The following GAB2 variants were observed in gnomAD, a reference collection of about 807,000 sequenced individuals.
GAB2 encodes GRB2 associated binding protein 2, also known as GRB2-associated-binding protein 2.
In GAB2, 26 loss-of-function variants were observed where a neutral mutation model predicts 65.5. That is an observed-to-expected ratio of 0.40 (90% CI 0.29 to 0.55). The LOEUF (loss-of-function observed/expected upper bound fraction) is 0.55. GAB2 is among the 20% of genes least tolerant of loss of function. GAB2 has a pLI of 0.53. For synonymous variants in GAB2, 321 were observed against 329.6 expected, an observed-to-expected ratio of 0.97 and a Z score of 0.28; for missense variants, 884 against 875.8, an observed-to-expected ratio of 1.01 and a Z score of -0.12.
chr11:78,263,504 G>A (rs376424741), intron 2 of GAB2, among the ~76,000 whole-genome samples: 22 of 151,930 alleles, frequency 1.4e-4, no homozygotes, highest in Non-Finnish European at 2.6e-4. Flanking sequence ...ATGGTGGTGG[G>A]TGCCTGTAGT....
At chr11:78,358,045 C>T (rs1440410098) in intron 1 of GAB2, among the ~76,000 whole-genome samples, 32 of 152,160 alleles carry the variant, frequency 2.1e-4, no homozygotes, top group Middle Eastern at 3.4e-3. Context: ...GGAACCAACC[C>T]AAATGTCCAT....
intron 1 of GAB2, among the ~76,000 whole-genome samples, chr11:78,417,110 C>T (rs1189135391): frequency 1.3e-5 from 2 of 152,158 alleles, no homozygotes; most frequent in African/African-American, 4.8e-5. Context: ...CTGCACATGC[C>T]GCTGACGCTG....
chr11:78,262,102 C>T (rs1336954264), intron 2 of GAB2, among the ~76,000 whole-genome samples: 2 of 152,182 alleles, frequency 1.3e-5, no homozygotes, highest in Non-Finnish European at 2.9e-5. Flanking sequence ...CACAAGATTG[C>T]ACCTTAAACT....
rs1864067438 is a variant in GAB2, at chr11:78,215,349, G to A, written c.*3923C>T. 6.6e-6 allele frequency: 1 copy of A among 152,554 alleles called. No individual in the cohort carries two copies. The highest frequency in any genetic ancestry group is 2.4e-5 in the African/African-American group (1 of 41,400). 9.5% of individuals were successfully genotyped at this position (152,554 alleles called of 1,614,324 possible). The stretch of plus-strand genomic sequence containing the variant: ...TCCTGCTCCAACACCACAGTAGAAA[G>A]GGACCTGCAAGCTCCAAGCCTGTAC... On this transcript the variant is annotated 3_prime_UTR_variant, in exon 10 of 10. Coordinates refer to ENST00000361507, the MANE Select transcript of GAB2 (RefSeq NM_080491.3).
chr11:78,243,738 G>C (rs1264384378), intron 3 of GAB2, among the ~76,000 whole-genome samples: 1 of 152,062 alleles, frequency 6.6e-6, no homozygotes, highest in Non-Finnish European at 1.5e-5. Flanking sequence ...CAGCTACTTG[G>C]GAGGCTGAGG....
rs932568591 is a variant in GAB2 at position 78,396,515 on chromosome 11, T to C, written c.75+21131A>G. On this transcript the variant is annotated intron_variant, in intron 1 of 9. Transcript: ENST00000361507. ...CAGCAAGAACCAGTACAAATATATG[T>C]TTAAAGTGTCCTTATTACACATGCT... 2.0e-5 allele frequency among the ~76,000 whole-genome samples: 3 copies of C among 152,208 alleles called. No individual in the cohort carries two copies. In the East Asian group the frequency reaches 5.8e-4, roughly 29 times the overall value.
chr11:78,312,095 A>G (rs1480615673), intron 1 of GAB2, among the ~76,000 whole-genome samples: 1 of 151,880 alleles, frequency 6.6e-6, no homozygotes, highest in Non-Finnish European at 1.5e-5. Flanking sequence ...AGGGCAGCAC[A>G]TTACATAAGA....
At position 78,370,322 on chromosome 11, in the gene GAB2, C is replaced by G. The variant is rs149025989; in HGVS notation, c.75+47324G>C. Among the ~76,000 whole-genome samples, 3 of 151,912 alleles carry G rather than the reference C, an allele frequency of 2.0e-5. No homozygotes were observed. In the East Asian group the frequency reaches 5.8e-4, roughly 29 times the overall value. On this transcript the variant is annotated intron_variant, in intron 1 of 9. Coordinates refer to ENST00000361507, the MANE Select transcript of GAB2 (RefSeq NM_080491.3). Reference sequence around the variant, plus strand: ...ATATATGCAAATACGGAACTACACTCATGGTTTATTTTATCTCACAGGATT... The same window carrying G: ...ATATATGCAAATACGGAACTACACTGATGGTTTATTTTATCTCACAGGATT...
chr11:78,301,753 G>T (rs1192560710), intron 1 of GAB2, among the ~76,000 whole-genome samples: 1 of 152,156 alleles, frequency 6.6e-6, no homozygotes, highest in African/African-American at 2.4e-5. Context: ...GCTAAGCAAA[G>T]AACAAATCTG....
At chr11:78,365,826 T>C (rs1256622172) in intron 1 of GAB2, among the ~76,000 whole-genome samples, 1 of 152,212 alleles carries the variant, frequency 6.6e-6, no homozygotes, top group East Asian at 1.9e-4. Flanking sequence ...CTTGTTTCAA[T>C]ACACAGGTCC....
chr11:78,416,908 G>A (rs1294460568), intron 1 of GAB2, among the ~76,000 whole-genome samples: 1 of 152,104 alleles, frequency 6.6e-6, no homozygotes, highest in African/African-American at 2.4e-5. Context: ...CTGTCGGTTG[G>A]CAACACCTGG....
chr11:78,381,316 G>T (rs1591076863), intron 1 of GAB2, among the ~76,000 whole-genome samples: 1 of 152,110 alleles, frequency 6.6e-6, no homozygotes, highest in South Asian at 2.1e-4. Flanking sequence ...TTTGATTTGA[G>T]GATTTAATGA....
chr11:78,386,728 C>G (rs1856772896), intron 1 of GAB2, among the ~76,000 whole-genome samples: 1 of 152,180 alleles, frequency 6.6e-6, no homozygotes, highest in South Asian at 2.1e-4. Context: ...GAGGGAACAT[C>G]CTGAAGTGTC....
chr11:78,382,838 T>C (rs1195082804), intron 1 of GAB2, among the ~76,000 whole-genome samples: 4 of 152,222 alleles, frequency 2.6e-5, no homozygotes, highest in African/African-American at 9.7e-5. Context: ...AGGAACTCGA[T>C]TAGAAGTCAA....
intron 1 of GAB2, among the ~76,000 whole-genome samples, chr11:78,397,763 C>T (rs1248367948): frequency 6.6e-6 from 1 of 152,160 alleles, no homozygotes; most frequent in African/African-American, 2.4e-5. Flanking sequence ...AGACTATAAA[C>T]TTTGAGGGGA....
At chr11:78,341,986 C>T in intron 1 of GAB2, 1 of 536,324 alleles carries the variant, frequency 1.9e-6, no homozygotes, top group Non-Finnish European at 2.4e-6. Flanking sequence ...TGTTGTGTTC[C>T]CCTCCCTATG....
chr11:78,408,307 A>T (rs1241988758), intron 1 of GAB2, among the ~76,000 whole-genome samples: 1 of 152,346 alleles, frequency 6.6e-6, no homozygotes, highest in East Asian at 1.9e-4. Context: ...ATGATGATAC[A>T]GACTTCATTT....
At chr11:78,393,599 T>G in intron 1 of GAB2, among the ~76,000 whole-genome samples, 1 of 152,224 alleles carries the variant, frequency 6.6e-6, no homozygotes, top group East Asian at 1.9e-4. Context: ...CAAATAATTA[T>G]ACCCTTTGAA....
chr11:78,284,522 G>A (rs987076729), intron 1 of GAB2, among the ~76,000 whole-genome samples: 6 of 152,212 alleles, frequency 3.9e-5, no homozygotes, highest in Non-Finnish European at 7.3e-5. Context: ...TGGCCACGTG[G>A]CCTTACACAG....
Sources: allele counts gnomAD v4.1 joint callset (sites outside exome capture counted in the v4.1 genomes callset), GRCh38; gene constraint gnomAD v4.1.1; transcripts MANE v1.5; gene names NCBI Gene and HGNC (gene_info 2026-07-23, HGNC 2026-07-21).